The following GPD2 variants were observed in gnomAD, a reference collection of about 807,000 sequenced individuals.
GPD2 encodes glycerol-3-phosphate dehydrogenase 2.
In GPD2, 54 loss-of-function variants were observed where a neutral mutation model predicts 82.4. The ratio of observed to expected loss-of-function variants is 0.66; its 90% CI spans 0.53 to 0.82. The LOEUF is 0.82. Ranked by LOEUF, GPD2 falls within the 40% of genes least tolerant of loss-of-function variation. GPD2 has a pLI of 0.00. For missense variants in GPD2, 748 were observed against 896.2 expected, an observed-to-expected ratio of 0.83 and a Z score of 2.11; for synonymous variants, 288 against 306.1, an observed-to-expected ratio of 0.94 and a Z score of 0.62.
chr2:156,534,608 A>C (rs1000920496), intron 6 of GPD2, among the ~76,000 whole-genome samples: 1 of 152,250 alleles, frequency 6.6e-6, no homozygotes, highest in Non-Finnish European at 1.5e-5. Context: ...GAATGACTAT[A>C]AAGGAAGCAG....
At chr2:156,401,674 T>C in the GPD2 span, among the ~76,000 whole-genome samples, 2 of 152,126 alleles carry the variant, frequency 1.3e-5, no homozygotes, top group Admixed American at 6.5e-5. Flanking sequence ...AATTGGTAAA[T>C]TGGAACTATG....
chr2:156,439,460 TAGTCCC>T (rs1225176776), intron 1 of GPD2, among the ~76,000 whole-genome samples: 1 of 135,814 alleles, frequency 7.4e-6, no homozygotes, highest in Non-Finnish European at 1.5e-5. Context: ...CACGTGCCTG[TAGTCCC>T]AGCTACTTAG....
At chr2:156,520,488 T>C (rs1220199396) in intron 6 of GPD2, among the ~76,000 whole-genome samples, 1 of 152,136 alleles carries the variant, frequency 6.6e-6, no homozygotes, top group African/African-American at 2.4e-5. Flanking sequence ...AATAATCTTA[T>C]TATATGTACA....
rs575696775 is a variant in GPD2, at chr2:156,560,245, C to T, written c.1165+2663C>T. ...CCGTGAAGTGAGCGTGGGGCTTTAA[C>T]GGAGACTGGATCACTTATGTTCTAC... On this transcript the variant is annotated intron_variant, in intron 9 of 16. Transcript: ENST00000438166. Among the ~76,000 whole-genome samples the T allele has an allele frequency of 9.1e-4, 138 of 152,258 alleles. 1 individual carries two copies. The highest frequency in any genetic ancestry group is 3.1e-3 in the African/African-American group (129 of 41,544).
Position 156,565,001 on chromosome 2 carries a change from T to A in GPD2, c.1166-3824T>A, listed in dbSNP as rs1341873662. On this transcript the variant is annotated intron_variant, in intron 9 of 16. Transcript: ENST00000438166. ...TAATGTTTTACATAGTGTTCCTGGA[T>A]GAATGAAAAACTTGAATGTTTCAGT... Among the ~76,000 whole-genome samples the A allele has an allele frequency of 2.6e-5, 4 of 152,152 alleles. No homozygotes were observed. In the East Asian group the frequency reaches 7.7e-4, roughly 29 times the overall value.
chr2:156,549,502 G>A, intron 6 of GPD2, 106 bp from the exon 7 acceptor site: 2 of 981,758 alleles, frequency 2.0e-6, no homozygotes, highest in Admixed American at 3.4e-5. Context: ...TGCATATCCT[G>A]GGTGACAGGG....
At chr2:156,494,187 T>C (rs1237318892) in intron 2 of GPD2, among the ~76,000 whole-genome samples, 5 of 152,192 alleles carry the variant, frequency 3.3e-5, no homozygotes, top group Admixed American at 1.3e-4. Flanking sequence ...TTTGTTTTTA[T>C]GAAATTTAGT....
chr2:156,515,458 ATTG>A (rs1190382814), intron 6 of GPD2, among the ~76,000 whole-genome samples: 2 of 151,860 alleles, frequency 1.3e-5, no homozygotes, highest in Non-Finnish European at 2.9e-5. Flanking sequence ...TTGGTTTGGT[ATTG>A]TTGTGAATTA....
rs1028920194 is a variant in GPD2, at chr2:156,518,175, A to C, written c.661+4679A>C. Among the ~76,000 whole-genome samples the C allele has an allele frequency of 2.6e-5, 4 of 152,216 alleles. No individual in the cohort carries two copies. The South Asian group carries it at 8.3e-4, about 31-fold the overall frequency. ...AAAATTCACAGCATACAAATAGATG[A>C]ATTCAGCTCGTGAGAGAGCAAAGCC... On this transcript the variant is annotated intron_variant, in intron 6 of 16. Transcript: ENST00000438166.
In GPD2 at chr2:156,476,224, G is replaced by C; in HGVS notation, c.102+17G>C. ...AGGAAACAAGTAAGTAACTGTACTT[G>C]TGTTGATTACAGTATGCAACTTAAA... On this transcript the variant is annotated intron_variant, in intron 2 of 16. Transcript: ENST00000438166. 3 of 1,319,634 alleles carry C rather than the reference G, an allele frequency of 2.3e-6. No homozygotes were observed. Among genetic ancestry groups the C allele is most frequent in the Non-Finnish European group, 3.3e-6 (3 of 911,296 alleles). The allele number at this position is 1,319,634 out of a possible 1,614,324, so 81.7% of individuals were successfully genotyped here. A position where few individuals can be genotyped will look rare whatever the true frequency, so the allele number is the denominator to read the frequency against.
chr2:156,492,591 A>G (rs548790594), intron 2 of GPD2, among the ~76,000 whole-genome samples: 1 of 151,634 alleles, frequency 6.6e-6, no homozygotes, highest in African/African-American at 2.4e-5. Context: ...TTAAATGATC[A>G]CTCCGGTTGT....
chr2:156,499,262 T>C (rs891124030), intron 3 of GPD2, among the ~76,000 whole-genome samples: 1 of 152,114 alleles, frequency 6.6e-6, no homozygotes, highest in Non-Finnish European at 1.5e-5. Flanking sequence ...CATTTATGTG[T>C]GTATATATGT....
chr2:156,557,999 A>C (rs1687026948), intron 9 of GPD2, among the ~76,000 whole-genome samples: 1 of 152,220 alleles, frequency 6.6e-6, no homozygotes. Flanking sequence ...AAGATGCTTA[A>C]TAGTCTGTTA....
intron 3 of GPD2, 120 bp downstream of exon 3, chr2:156,496,335 C>T (rs1356397452): frequency 1.4e-6 from 1 of 696,566 alleles, no homozygotes; most frequent in Non-Finnish European, 2.5e-6. Context: ...AACCCATCAC[C>T]TAGGTACAAG....
At chr2:156,569,959 ATAC>A (rs1222912673) in intron 11 of GPD2, 125 bp from the exon 12 acceptor site, 2 of 806,046 alleles carry the variant, frequency 2.5e-6, no homozygotes, top group African/African-American at 3.4e-5. Context: ...TCAAAATATA[ATAC>A]TCTCCGAGAG....
At chr2:156,477,078 G>A (rs2105203788) in intron 2 of GPD2, among the ~76,000 whole-genome samples, 1 of 152,312 alleles carries the variant, frequency 6.6e-6, no homozygotes, top group East Asian at 1.9e-4. Flanking sequence ...TGTGCTACAA[G>A]GTGGTGGAGC....
chr2:156,410,013 C>G, the GPD2 span, among the ~76,000 whole-genome samples: 1 of 151,992 alleles, frequency 6.6e-6, no homozygotes. Context: ...GGCACTGCAC[C>G]CCAGCCTAGG....
At chr2:156,556,749 A>T (rs1477052723) in intron 8 of GPD2, among the ~76,000 whole-genome samples, 1 of 152,200 alleles carries the variant, frequency 6.6e-6, no homozygotes, top group East Asian at 1.9e-4. Flanking sequence ...GTAGTAAAAC[A>T]TGGAGCTCTT....
intron 1 of GPD2, among the ~76,000 whole-genome samples, chr2:156,449,583 A>T (rs1682480764): frequency 6.6e-6 from 1 of 152,186 alleles, no homozygotes; most frequent in African/African-American, 2.4e-5. Context: ...TATTGCTCTC[A>T]TTGAGAATAC....
Sources: gnomAD v4.1 joint callset for allele counts (sites outside exome capture counted in the v4.1 genomes callset) on GRCh38, gnomAD v4.1.1 for gene constraint, MANE v1.5 for transcripts, NCBI Gene and HGNC (gene_info 2026-07-23, HGNC 2026-07-21) for gene names.